Variants in PCNT observed in about 807,000 individuals in gnomAD.
The protein encoded by PCNT is pericentrin.
A neutral mutation model predicts 380.4 loss-of-function variants in PCNT; 319 were observed. The observed-to-expected ratio is 0.84, with a 90% CI of 0.77 to 0.92. The LOEUF is 0.92. Among genes scored for constraint, PCNT ranks in the 40% least tolerant of loss-of-function variants. The pLI is 0.00. For synonymous variants in PCNT, 1,845 were observed against 1,735.2 expected (o/e 1.06, Z -1.57); for missense variants, 4,400 against 4,255.3 (o/e 1.03, Z -0.95).
At chr21:46,401,825 G>A in intron 26 of PCNT, 104 bp downstream of exon 26, 2 of 1,054,134 alleles carry the variant, frequency 1.9e-6, no homozygotes, top group Non-Finnish European at 2.9e-6. Context: ...ATGGGCTTGT[G>A]ACCACTGTGT....
At chr21:46,378,753 C>T (rs1275273574) in intron 15 of PCNT, among the ~76,000 whole-genome samples, 1 of 152,236 alleles carries the variant, frequency 6.6e-6, no homozygotes, top group Non-Finnish European at 1.5e-5. Flanking sequence ...CAAGCACCTT[C>T]TAACAATCTG....
intron 16 of PCNT, among the ~76,000 whole-genome samples, chr21:46,384,763 C>T (rs190084274): frequency 4.5e-4 from 63 of 138,534 alleles, no homozygotes; most frequent in Middle Eastern, 4.3e-3. Flanking sequence ...AGCGCATTCA[C>T]GGTGTTGTGC....
chr21:46,384,332 A>ATAG (rs2085737669), intron 16 of PCNT, among the ~76,000 whole-genome samples: 1 of 144,566 alleles, frequency 6.9e-6, no homozygotes. Flanking sequence ...GGTGTTGTGC[A>ATAG]TTCAGTGGCG....
chr21:46,398,813 TCTTTTTC>T, intron 24 of PCNT, among the ~76,000 whole-genome samples: 2 of 141,960 alleles, frequency 1.4e-5, no homozygotes, highest in African/African-American at 5.2e-5. Flanking sequence ...TCTTTTTTTT[TCTTTTTC>T]TTTTTTTTTT....
chr21:46,416,636 C>G lies in PCNT; in HGVS notation c.6718C>G (p.Pro2240Ala). ...GAAGGACTGGACCCTGGAGCCCTGG[C>G]CCAGCCTCCCCGTGACACCCCACTC... ...LRKDWTLEPWPSLPVTPHSGA... is the reference protein window; with the variant it reads ...LRKDWTLEPWASLPVTPHSGA... The change falls in exon 30 of 47, where the codon CCC becomes GCC. Residue 2240 changes from proline to alanine, a missense_variant. Pro to Ala is a conservative substitution (Grantham distance 27). Transcript: ENST00000359568. 6.4e-7 allele frequency: 1 copy of G among 1,569,266 alleles called. No individual in the cohort carries two copies.
chr21:46,326,293 C>T (rs763801389), intron 1 of PCNT, 84 bp from the exon 2 acceptor site: 41 of 1,337,520 alleles, frequency 3.1e-5, no homozygotes, highest in Non-Finnish European at 4.1e-5. Flanking sequence ...GCCTCATGGT[C>T]CCCACCAGTC....
rs764925994 is a variant in PCNT at position 46,363,518 on chromosome 21, A to G, written c.2193A>G (p.Leu731=). Residue 731 remains leucine (L), a synonymous_variant, in exon 14 of 47, where the codon CTA becomes CTG. Coordinates refer to ENST00000359568, the MANE Select transcript of PCNT (RefSeq NM_006031.6). ...TAATTGAAGACCACCAGAAGGAACT[A>G]AATAATGCTAAGCAAAAGACTGAGC... ...HNLIEDHQKE[L]NNAKQKTELM... 14 of 1,613,930 alleles carry G rather than the reference A, an allele frequency of 8.7e-6. No individual in the cohort carries two copies. The highest frequency in any genetic ancestry group is 1.7e-5 in the Admixed American group (1 of 59,998).
rs537554380 is a variant in PCNT at position 46,365,794 on chromosome 21, C to G, written c.2610-790C>G. Among the ~76,000 whole-genome samples the G allele has an allele frequency of 7.5e-5, 11 of 146,010 alleles. 1 individual carries two copies. The East Asian group carries it at 2.3e-3, about 30-fold the overall frequency. Reference sequence around the variant, plus strand: ...GAGTTCTGTTCACTCCCATAGGGTTCTATTCACTGCCATGGGGTTCTATTC... The same window carrying G: ...GAGTTCTGTTCACTCCCATAGGGTTGTATTCACTGCCATGGGGTTCTATTC... On this transcript the variant is annotated intron_variant, in intron 14 of 46. Coordinates refer to ENST00000359568, the MANE Select transcript of PCNT (RefSeq NM_006031.6).
intron 3 of PCNT, 35 bp from the exon 4 acceptor site, chr21:46,346,093 A>G (rs757403374): frequency 6.3e-7 from 1 of 1,597,934 alleles, no homozygotes; most frequent in Non-Finnish European, 8.6e-7. Context: ...TCTCATGTGA[A>G]TTCTGGACCT....
chr21:46,390,418 G>A (rs1409579351), intron 19 of PCNT, among the ~76,000 whole-genome samples: 2 of 152,300 alleles, frequency 1.3e-5, no homozygotes. Context: ...CAGTTGCCAG[G>A]GGAGTGTCTG....
chr21:46,438,882 A>C (rs1292540408), intron 41 of PCNT, among the ~76,000 whole-genome samples: 1 of 151,966 alleles, frequency 6.6e-6, no homozygotes, highest in Admixed American at 6.6e-5. Context: ...CATGTTGGCC[A>C]GGCTGGTCTC....
At chr21:46,387,284 C>T (rs965005958) in intron 17 of PCNT, among the ~76,000 whole-genome samples, 4 of 152,156 alleles carry the variant, frequency 2.6e-5, no homozygotes, top group African/African-American at 9.7e-5. Context: ...TCTGTGAGGA[C>T]CTTGCCTTCT....
chr21:46,390,651 T>G lies in PCNT; in HGVS notation c.3841-19T>G, dbSNP rs751851753. On this transcript the variant is annotated intron_variant, in intron 19 of 46. Coordinates refer to ENST00000359568, the MANE Select transcript of PCNT (RefSeq NM_006031.6). ...TTATTTTTGATCTGGAGTTTTGATT[T>G]GCAAATGTGTTTTAACAGCTGGAAG... 5.0e-6 allele frequency: 8 copies of G among 1,613,718 alleles called. No individual in the cohort carries two copies. The South Asian group carries it at 8.8e-5, about 18-fold the overall frequency.
At position 46,334,587 on chromosome 21, in the gene PCNT, C is replaced by G; in HGVS notation, c.458C>G (p.Pro153Arg). The G allele has an allele frequency of 6.4e-7, 1 of 1,574,134 alleles. No individual in the cohort carries two copies. The highest frequency in any genetic ancestry group is 8.7e-7 in the Non-Finnish European group (1 of 1,146,898). Residue 153 changes from proline to arginine, a missense_variant, in exon 3 of 47, where the codon CCA becomes CGA. Physicochemically the swap from Pro to Arg is moderately radical, Grantham distance 103. Transcript: ENST00000359568. ...ATGTTCACAGTCAGTGACCACCCAC[C>G]AGAACAGCATGGGATGTTCACAGTC... ...RGMFTVSDHP[P>R]EQHGMFTVSD... is the part of the protein sequence containing the mutation.
Position 46,445,459 on chromosome 21 carries a change from C to G in PCNT, c.*132C>G. 3.8e-6 allele frequency: 3 copies of G among 788,970 alleles called. No homozygotes were observed. The highest frequency in any genetic ancestry group is 6.9e-6 in the Non-Finnish European group (3 of 435,020). The allele number at this position is 788,970 out of a possible 1,614,324, so 48.9% of individuals were successfully genotyped here. A position where few individuals can be genotyped will look rare whatever the true frequency, so the allele number is the denominator to read the frequency against. On this transcript the variant is annotated 3_prime_UTR_variant, in exon 47 of 47. Coordinates refer to ENST00000359568, the MANE Select transcript of PCNT (RefSeq NM_006031.6). ...TGCGGTGACACCAGCCCCCAGATGCCTTGAATTAAGTGTCCTCACCTTTAT... is the reference window on the plus strand; with the variant it reads ...TGCGGTGACACCAGCCCCCAGATGCGTTGAATTAAGTGTCCTCACCTTTAT...
At chr21:46,344,875 C>T (rs1280807566) in intron 3 of PCNT, among the ~76,000 whole-genome samples, 1 of 152,206 alleles carries the variant, frequency 6.6e-6, no homozygotes, top group African/African-American at 2.4e-5. Context: ...TGTGGCTCGA[C>T]CTGTGTTGCC....
rs146538809 is a variant in PCNT, at chr21:46,365,978, G to A, written c.2610-606G>A. 1.5e-4 allele frequency among the ~76,000 whole-genome samples: 22 copies of A among 150,652 alleles called. No homozygotes were observed. The East Asian group carries it at 4.4e-3, about 30-fold the overall frequency. On this transcript the variant is annotated intron_variant, in intron 14 of 46. Transcript: ENST00000359568. ...TGTGGGGTTCTGTTCACTGCCATGG[G>A]GTTCTAGTCACTGCCGTGGGGTTCT...
chr21:46,343,342 AG>A (rs2083962761), intron 3 of PCNT, among the ~76,000 whole-genome samples: 1 of 152,124 alleles, frequency 6.6e-6, no homozygotes, highest in Non-Finnish European at 1.5e-5. Context: ...TTAATCGTAA[AG>A]GGATCCTGGA....
chr21:46,351,942 T>TGCCAGCAA, intron 9 of PCNT, among the ~76,000 whole-genome samples: 1 of 152,358 alleles, frequency 6.6e-6, no homozygotes, highest in Admixed American at 6.5e-5. Context: ...GCCAGGCTCC[T>TGCCAGCAA]GTGGCCCCAG....
Sources: allele counts gnomAD v4.1 joint callset (sites outside exome capture counted in the v4.1 genomes callset), GRCh38; gene constraint gnomAD v4.1.1; transcripts MANE v1.5; gene names NCBI Gene and HGNC (gene_info 2026-07-23, HGNC 2026-07-21).